Variants in CSMD1 observed in about 807,000 individuals in gnomAD.
CSMD1 encodes CUB and Sushi multiple domains 1, also known as CUB and sushi domain-containing protein 1.
Under a neutral mutation model 417.5 loss-of-function variants are expected in CSMD1, and 213 were observed. That is an observed-to-expected ratio of 0.51 (90% CI 0.46 to 0.57). CSMD1 has a LOEUF of 0.57. Among genes scored for constraint, CSMD1 ranks in the 20% least tolerant of loss-of-function variants. The pLI is 0.00. For synonymous variants in CSMD1, 2,862 were observed against 1,736.8 expected, an observed-to-expected ratio of 1.65 and a Z score of -16.11; for missense variants, 6,923 against 4,529.7, an observed-to-expected ratio of 1.53 and a Z score of -15.17.
At chr8:3,379,018 C>T in intron 18 of CSMD1, among the ~76,000 whole-genome samples, 1 of 152,212 alleles carries the variant, frequency 6.6e-6, no homozygotes, top group East Asian at 1.9e-4. Context: ...ATCTCAAAAT[C>T]TCCTTAAGCT....
At chr8:3,815,510 T>A (rs1031401261) in intron 5 of CSMD1, among the ~76,000 whole-genome samples, 2 of 151,506 alleles carry the variant, frequency 1.3e-5, no homozygotes, top group Non-Finnish European at 2.9e-5. Context: ...TGTAAGACTA[T>A]GTTTAAACAA....
At chr8:3,614,855 C>A (rs1174497003) in intron 8 of CSMD1, among the ~76,000 whole-genome samples, 1 of 152,066 alleles carries the variant, frequency 6.6e-6, no homozygotes, top group Non-Finnish European at 1.5e-5. Flanking sequence ...GATGTGTGAG[C>A]ACATCGTGAT....
chr8:4,077,608 G>A (rs991677792), intron 3 of CSMD1, among the ~76,000 whole-genome samples: 1 of 151,970 alleles, frequency 6.6e-6, no homozygotes, highest in Non-Finnish European at 1.5e-5. Flanking sequence ...CACTTGAACT[G>A]CTGGTCATTC....
chr8:3,542,628 A>C (rs1369173035), intron 10 of CSMD1, among the ~76,000 whole-genome samples: 1 of 152,106 alleles, frequency 6.6e-6, no homozygotes, highest in African/African-American at 2.4e-5. Flanking sequence ...CTGTATGGAG[A>C]TACATAGGAG....
At chr8:4,577,272 T>C (rs962901599) in intron 2 of CSMD1, among the ~76,000 whole-genome samples, 1 of 152,228 alleles carries the variant, frequency 6.6e-6, no homozygotes, top group Non-Finnish European at 1.5e-5. Flanking sequence ...GCTCCTCAGA[T>C]GGGCTGACTT....
intron 3 of CSMD1, among the ~76,000 whole-genome samples, chr8:4,058,008 G>T (rs1207139746): frequency 6.6e-6 from 1 of 151,476 alleles, no homozygotes; most frequent in Non-Finnish European, 1.5e-5. Context: ...GATTGACTTG[G>T]CAATGTGGGC....
intron 2 of CSMD1, among the ~76,000 whole-genome samples, chr8:4,623,759 T>TA (rs1313096148): frequency 6.6e-6 from 1 of 152,046 alleles, no homozygotes; most frequent in Non-Finnish European, 1.5e-5. Flanking sequence ...ATATTTCATA[T>TA]AATTTGGCAT....
Position 4,888,325 on chromosome 8 carries a change from A to G in CSMD1, c.85+106007T>C, listed in dbSNP as rs143611191. On this transcript the variant is annotated intron_variant, in intron 1 of 69. Transcript: ENST00000635120. ...CATCAAGCCCCTGGAGGTAACCATT[A>G]TCATTAGTTATTGATTTATTATTTT... Among the ~76,000 whole-genome samples, 220 of 152,166 alleles carry G rather than the reference A, an allele frequency of 1.4e-3. 2 individuals are homozygous for G. The highest frequency in any genetic ancestry group is 5.2e-3 in the African/African-American group (216 of 41,454).
chr8:3,501,818 G>C (rs763963713), intron 10 of CSMD1, among the ~76,000 whole-genome samples: 21 of 152,238 alleles, frequency 1.4e-4, no homozygotes, highest in Middle Eastern at 6.8e-3. Flanking sequence ...AATTTTACTT[G>C]TTTTCACCTG....
intron 5 of CSMD1, among the ~76,000 whole-genome samples, chr8:3,903,613 G>C (rs1177271503): frequency 2.6e-5 from 4 of 151,932 alleles, no homozygotes; most frequent in Admixed American, 6.6e-5. Context: ...TACTCTATTT[G>C]GCAACTTTGA....
intron 3 of CSMD1, among the ~76,000 whole-genome samples, chr8:4,387,182 G>A (rs1179118427): frequency 6.6e-6 from 1 of 152,146 alleles, no homozygotes; most frequent in Admixed American, 6.5e-5. Flanking sequence ...GCCATCTTGT[G>A]GCTAGGAGGT....
chr8:3,672,847 G>A (rs984059248), intron 7 of CSMD1, among the ~76,000 whole-genome samples: 9 of 152,156 alleles, frequency 5.9e-5, no homozygotes, highest in Middle Eastern at 3.2e-3. Flanking sequence ...ACTTGGAGAC[G>A]CAGCTTCTAC....
chr8:4,776,941 T>C (rs553602980), intron 1 of CSMD1, among the ~76,000 whole-genome samples: 1 of 152,240 alleles, frequency 6.6e-6, no homozygotes, highest in Non-Finnish European at 1.5e-5. Flanking sequence ...GGCACTGGTG[T>C]TTGTAAAATT....
intron 5 of CSMD1, among the ~76,000 whole-genome samples, chr8:3,985,756 A>ATTT (rs11288801): frequency 1.2e-4 from 17 of 142,370 alleles, no homozygotes; most frequent in African/African-American, 4.4e-4. Context: ...TGTTAAAGTG[A>ATTT]TTTTTTTTTT....
chr8:4,563,630 C>G (rs1261561941), intron 2 of CSMD1, among the ~76,000 whole-genome samples: 2 of 152,138 alleles, frequency 1.3e-5, no homozygotes, highest in African/African-American at 4.8e-5. Flanking sequence ...ACCTTCCTTC[C>G]TTAAAACATA....
intron 1 of CSMD1, among the ~76,000 whole-genome samples, chr8:4,696,931 T>C (rs1474788546): frequency 6.6e-6 from 1 of 152,186 alleles, no homozygotes. Context: ...CCCAGCACTT[T>C]AGGAGGCCGA....
At chr8:4,446,827 T>G (rs1306684000) in intron 2 of CSMD1, among the ~76,000 whole-genome samples, 2 of 150,154 alleles carry the variant, frequency 1.3e-5, no homozygotes, top group African/African-American at 4.9e-5. Flanking sequence ...TTCTCCATCT[T>G]GGCCAGACTG....
At chr8:3,711,154 G>C (rs938724798) in intron 6 of CSMD1, among the ~76,000 whole-genome samples, 1 of 152,186 alleles carries the variant, frequency 6.6e-6, no homozygotes, top group Non-Finnish European at 1.5e-5. Flanking sequence ...GGGTAAGAGG[G>C]AGAAACGAGA....
At chr8:3,583,970 G>C (rs929547124) in intron 9 of CSMD1, among the ~76,000 whole-genome samples, 1 of 151,788 alleles carries the variant, frequency 6.6e-6, no homozygotes, top group Non-Finnish European at 1.5e-5. Flanking sequence ...AAATATGTGA[G>C]AGCATGGCCT....
Sources: allele counts gnomAD v4.1 joint callset (sites outside exome capture counted in the v4.1 genomes callset), GRCh38; gene constraint gnomAD v4.1.1; transcripts MANE v1.5; gene names NCBI Gene and HGNC (gene_info 2026-07-23, HGNC 2026-07-21).